FADS1: variants seen among roughly 807,000 people sequenced by gnomAD.
FADS1 encodes the protein acyl-CoA (8-3)-desaturase.
In FADS1, 17 loss-of-function variants were observed where a neutral mutation model predicts 61.6. That is an observed-to-expected ratio of 0.28 (90% CI 0.19 to 0.41). FADS1 has a LOEUF of 0.41. Ranked by LOEUF, FADS1 falls within the 10% of genes least tolerant of loss-of-function variation. The probability of loss-of-function intolerance (pLI) is 1.00; values close to 1 mark genes in which losing one functional copy is unlikely to be tolerated. For synonymous variants in FADS1, 238 were observed against 258.7 expected, an observed-to-expected ratio of 0.92 and a Z score of 0.77; for missense variants, 387 against 650.9, an observed-to-expected ratio of 0.59 and a Z score of 4.41.
At chr11:61,804,177 C>A (rs560610013) in intron 7 of FADS1, 1 of 223,694 alleles carries the variant, frequency 4.5e-6, no homozygotes, top group South Asian at 8.3e-5. Context: ...GGTGGTCAAA[C>A]TTACCCCTCA....
intron 1 of FADS1, chr11:61,814,953 G>A (rs1443369316): frequency 6.5e-6 from 1 of 153,208 alleles, no homozygotes; most frequent in Non-Finnish European, 1.5e-5. Flanking sequence ...CGAAGAGGAA[G>A]ACTTCCCTAC....
At position 61,816,184 on chromosome 11, in the gene FADS1, C is replaced by T; in HGVS notation, c.375+371G>A. 5 of 1,411,048 alleles carry T rather than the reference C, an allele frequency of 3.5e-6. No homozygotes were observed. Among genetic ancestry groups the T allele is most frequent in the Non-Finnish European group, 4.8e-6 (5 of 1,038,160 alleles). The allele number at this position is 1,411,048 out of a possible 1,614,324, so 87.4% of individuals were successfully genotyped here. ...TCCCTCCCCTGGCCACTGACCCCCT[C>T]CCTCCCCAGGCGGCCTGCATCCTTG... On this transcript the variant is annotated intron_variant, in intron 1 of 11. Coordinates refer to ENST00000350997, the MANE Select transcript of FADS1 (RefSeq NM_013402.7). The surrounding 1 kb of genome is among the most constrained non-coding windows in gnomAD (Gnocchi z 7.0).
chr11:61,803,242 C>A lies in FADS1; in HGVS notation c.1248+121G>T, dbSNP rs2066869766. The stretch of plus-strand genomic sequence containing the variant: ...TCACTCCCTTCACATGGTTGCAGAA[C>A]AAGAGCCTCAGGCTAATGAGAAAAT... On this transcript the variant is annotated intron_variant, in intron 9 of 11. Transcript: ENST00000350997. This position sits in a 1 kb window ranked among gnomAD's most constrained non-coding sequence, Gnocchi z 4.3. 8.1e-7 allele frequency: 1 copy of A among 1,239,774 alleles called. No homozygotes were observed. The highest frequency in any genetic ancestry group is 1.5e-5 in the African/African-American group (1 of 67,704). The allele number at this position is 1,239,774 out of a possible 1,614,324, so 76.8% of individuals were successfully genotyped here.
chr11:61,816,944 G>C lies in FADS1; in HGVS notation c.-15C>G. 7.3e-7 allele frequency: 1 copy of C among 1,377,090 alleles called. No homozygotes were observed. Among genetic ancestry groups the C allele is most frequent in the Non-Finnish European group, 9.3e-7 (1 of 1,074,096 alleles). The allele number at this position is 1,377,090 out of a possible 1,614,324, so 85.3% of individuals were successfully genotyped here. The stretch of plus-strand genomic sequence containing the variant: ...CGCGTTCCCATTGGCCGAGCCTCGT[G>C]GCGCGGGGAGCGAGATCCCGTCCCC... On this transcript the variant is annotated 5_prime_UTR_variant, in exon 1 of 12. Transcript: ENST00000350997. This position sits in a 1 kb window ranked among gnomAD's most constrained non-coding sequence, Gnocchi z 7.0.
In FADS1 at chr11:61,800,689, A is replaced by G. The variant is rs527659403; in HGVS notation, c.*1722T>C. ...AGTGGAGGCTCTGTCTTTTCCTCCTAGTTTGAGGTTCTCTTCTCCCAGTGT... is the reference window on the plus strand; with the variant it reads ...AGTGGAGGCTCTGTCTTTTCCTCCTGGTTTGAGGTTCTCTTCTCCCAGTGT... On this transcript the variant is annotated 3_prime_UTR_variant, in exon 12 of 12. Coordinates refer to ENST00000350997, the MANE Select transcript of FADS1 (RefSeq NM_013402.7). 1.3e-5 allele frequency: 2 copies of G among 152,406 alleles called. No homozygotes were observed. Among genetic ancestry groups the G allele is most frequent in the Admixed American group, 6.5e-5 (1 of 15,284 alleles). 9.4% of individuals were successfully genotyped at this position (152,406 alleles called of 1,614,324 possible). A position where few individuals can be genotyped will look rare whatever the true frequency, so the allele number is the denominator to read the frequency against.
chr11:61,810,959 C>T lies in FADS1; in HGVS notation c.786+15G>A, dbSNP rs371093728. 6.8e-6 allele frequency: 11 copies of T among 1,613,940 alleles called. No individual in the cohort carries two copies. Among genetic ancestry groups the T allele is most frequent in the East Asian group, 6.7e-5 (3 of 44,884 alleles). ...TTGCCTGGAGTTTTAGAGAGCTCCTCCCCATCCCACTGACCTTCAGGTGGC... is the reference window on the plus strand; with the variant it reads ...TTGCCTGGAGTTTTAGAGAGCTCCTTCCCATCCCACTGACCTTCAGGTGGC... On this transcript the variant is annotated intron_variant, in intron 4 of 11. Transcript: ENST00000350997.
At chr11:61,805,868 T>G (rs919861494) in intron 6 of FADS1, 9 of 152,182 alleles carry the variant, frequency 5.9e-5, no homozygotes, top group Admixed American at 5.9e-4. Flanking sequence ...CCTTAGTAGC[T>G]GGGACAGACT....
chr11:61,802,159 GA>G lies in FADS1; in HGVS notation c.*251del. On this transcript the variant is annotated 3_prime_UTR_variant, in exon 12 of 12. Transcript: ENST00000350997. This position sits in a 1 kb window ranked among gnomAD's most constrained non-coding sequence, Gnocchi z 4.2. ...CCAACTACCTGCATGTGCCAAACTA[GA>G]AAAAGGAAATAATTTACACCCCTGC... 1 of 503,110 alleles carries G rather than the reference GA, an allele frequency of 2.0e-6. No individual in the cohort carries two copies. Among genetic ancestry groups the G allele is most frequent in the Non-Finnish European group, 3.6e-6 (1 of 277,838 alleles). 31.2% of individuals were successfully genotyped at this position (503,110 alleles called of 1,614,324 possible). A position where few individuals can be genotyped will look rare whatever the true frequency, so the allele number is the denominator to read the frequency against.
At position 61,803,204 on chromosome 11, in the gene FADS1, G is replaced by GA; in HGVS notation, c.1249-94dup. 8 of 1,342,026 alleles carry GA rather than the reference G, an allele frequency of 6.0e-6. No individual in the cohort carries two copies. The South Asian group carries it at 8.4e-5, about 14-fold the overall frequency. 83.1% of individuals were successfully genotyped at this position (1,342,026 alleles called of 1,614,324 possible). A position where few individuals can be genotyped will look rare whatever the true frequency, so the allele number is the denominator to read the frequency against. On this transcript the variant is annotated intron_variant, in intron 9 of 11. Coordinates refer to ENST00000350997, the MANE Select transcript of FADS1 (RefSeq NM_013402.7). This position sits in a 1 kb window ranked among gnomAD's most constrained non-coding sequence, Gnocchi z 4.3. ...GTAAAGCTGGCTGAGGAAGGGACAT[G>GA]AGACTGTCTTGGTCACTCCCTTCAC...
At chr11:61,809,764 G>A (rs1772392814) in intron 5 of FADS1, among the ~76,000 whole-genome samples, 1 of 152,118 alleles carries the variant, frequency 6.6e-6, no homozygotes, top group South Asian at 2.1e-4. Context: ...GACCATAATG[G>A]TATCGGACAT....
chr11:61,802,502 G>A lies in FADS1; in HGVS notation c.1455-40C>T. On this transcript the variant is annotated intron_variant, in intron 11 of 11. Coordinates refer to ENST00000350997, the MANE Select transcript of FADS1 (RefSeq NM_013402.7). This position sits in a 1 kb window ranked among gnomAD's most constrained non-coding sequence, Gnocchi z 4.2. ...TGGGGGCAGACAGTGAGGGAGACAA[G>A]CAGAGTTGAACCCACCGGAGATGGA... is the stretch of plus-strand genomic sequence containing the variant. 6.5e-7 allele frequency: 1 copy of A among 1,542,360 alleles called. No homozygotes were observed. The highest frequency in any genetic ancestry group is 2.4e-5 in the East Asian group (1 of 41,344).
rs2066991033 is a variant in FADS1 at position 61,816,907 on chromosome 11, G to A, written c.23C>T (p.Pro8Leu). ...TTCAGCACCGCAGGGCAGACCGGCGGGCCTCGCAGCGCGCGTTCCCATTGG... is the reference window on the plus strand; with the variant it reads ...TTCAGCACCGCAGGGCAGACCGGCGAGCCTCGCAGCGCGCGTTCCCATTGG... The part of the protein sequence containing the change: MGTRAAR[P>L]AGLPCGAENP... The change falls in exon 1 of 12, where the codon CCC (proline) becomes CTC (leucine). Residue 8 changes from proline (P) to leucine (L), a missense_variant. Pro to Leu is a moderately conservative substitution (Grantham distance 98). Transcript: ENST00000350997. This position sits in a 1 kb window ranked among gnomAD's most constrained non-coding sequence, Gnocchi z 7.0. The A allele has an allele frequency of 7.1e-7, 1 of 1,409,684 alleles. No homozygotes were observed. 87.3% of individuals were successfully genotyped at this position (1,409,684 alleles called of 1,614,324 possible).
intron 1 of FADS1, chr11:61,814,040 A>G (rs1345388093): frequency 6.6e-6 from 1 of 151,806 alleles, no homozygotes; most frequent in Non-Finnish European, 1.5e-5. Context: ...CTGCTCGGGT[A>G]CCCTTCCACG....
chr11:61,816,320 T>A lies in FADS1; in HGVS notation c.375+235A>T. 6.3e-7 allele frequency: 1 copy of A among 1,598,392 alleles called. No individual in the cohort carries two copies. Among genetic ancestry groups the A allele is most frequent in the Non-Finnish European group, 8.5e-7 (1 of 1,179,792 alleles). ...AGGGAGGCGGGACCCTTTGTTTGTG[T>A]GTGCGTGTTGTTGGCCTCCATCCCC... is the stretch of plus-strand genomic sequence containing the variant. On this transcript the variant is annotated intron_variant, in intron 1 of 11. Transcript: ENST00000350997. The surrounding 1 kb of genome is among the most constrained non-coding windows in gnomAD (Gnocchi z 7.0).
rs2066850065 is a variant in FADS1, at chr11:61,800,616, C to T, written c.*1795G>A. 1 of 152,450 alleles carries T rather than the reference C, an allele frequency of 6.6e-6. No homozygotes were observed. The highest frequency in any genetic ancestry group is 2.4e-5 in the African/African-American group (1 of 41,434). The allele number at this position is 152,450 out of a possible 1,614,324, so 9.4% of individuals were successfully genotyped here. A position where few individuals can be genotyped will look rare whatever the true frequency, so the allele number is the denominator to read the frequency against. On this transcript the variant is annotated 3_prime_UTR_variant, in exon 12 of 12. Transcript: ENST00000350997. ...TGCATCTGACCCTATCCCAACATGC[C>T]TTAGGACGCTCATCTCCTTGACTGT...
Position 61,816,434 on chromosome 11 carries a change from C to A in FADS1, c.375+121G>T. On this transcript the variant is annotated intron_variant, in intron 1 of 11. Transcript: ENST00000350997. The surrounding 1 kb of genome is among the most constrained non-coding windows in gnomAD (Gnocchi z 7.0). ...CCAATCACCGGGCAACAGGTATGATCAGGCGCCTCCGGGCTTTCCTCCGAA... is the reference window on the plus strand; with the variant it reads ...CCAATCACCGGGCAACAGGTATGATAAGGCGCCTCCGGGCTTTCCTCCGAA... 1 of 1,599,100 alleles carries A rather than the reference C, an allele frequency of 6.3e-7. No homozygotes were observed. Among genetic ancestry groups the A allele is most frequent in the South Asian group, 1.1e-5 (1 of 91,080 alleles).
At position 61,799,822 on chromosome 11, in the gene FADS1, T is replaced by C. The variant is rs1173339641; in HGVS notation, c.*2589A>G. On this transcript the variant is annotated 3_prime_UTR_variant, in exon 12 of 12. Transcript: ENST00000350997. Reference sequence around the variant, plus strand: ...AGTTGGAATTCATGCTGCCATGATCTACTTGACCAGAGGCAGCTTTTCCTC... The same window carrying C: ...AGTTGGAATTCATGCTGCCATGATCCACTTGACCAGAGGCAGCTTTTCCTC... 6.5e-6 allele frequency: 1 copy of C among 152,820 alleles called. No homozygotes were observed. Among genetic ancestry groups the C allele is most frequent in the East Asian group, 1.9e-4 (1 of 5,338 alleles). The allele number at this position is 152,820 out of a possible 1,614,324, so 9.5% of individuals were successfully genotyped here.
In FADS1 at chr11:61,815,988, C is replaced by CG; in HGVS notation, c.375+566dup. ...CCTTCCGCGTCCTCCAGTCTTCACA[C>CG]GACGCAGGGGTCCCCAAGGCAGCGG... On this transcript the variant is annotated intron_variant, in intron 1 of 11. Transcript: ENST00000350997. This position sits in a 1 kb window ranked among gnomAD's most constrained non-coding sequence, Gnocchi z 6.4. The CG allele has an allele frequency of 2.1e-6, 1 of 468,860 alleles. No individual in the cohort carries two copies. Among genetic ancestry groups the CG allele is most frequent in the East Asian group, 4.0e-5 (1 of 25,012 alleles). 29.0% of individuals were successfully genotyped at this position (468,860 alleles called of 1,614,324 possible). A position where few individuals can be genotyped will look rare whatever the true frequency, so the allele number is the denominator to read the frequency against.
In FADS1 at chr11:61,816,457, G is replaced by A. The variant is rs761958385; in HGVS notation, c.375+98C>T. The A allele has an allele frequency of 3.7e-6, 6 of 1,600,056 alleles. No individual in the cohort carries two copies. In the East Asian group the frequency reaches 1.1e-4, roughly 30 times the overall value. On this transcript the variant is annotated intron_variant, in intron 1 of 11. Transcript: ENST00000350997. The surrounding 1 kb of genome is among the most constrained non-coding windows in gnomAD (Gnocchi z 7.0). ...ATCAGGCGCCTCCGGGCTTTCCTCC[G>A]AATTAGTCGGTGTTTGGCTCGGAGT...
Sources: gnomAD v4.1 joint callset for allele counts (sites outside exome capture counted in the v4.1 genomes callset) on GRCh38, gnomAD v4.1.1 for gene constraint, Gnocchi (gnomAD v3.1) non-coding constraint, MANE v1.5 for transcripts, NCBI Gene and HGNC (gene_info 2026-07-23, HGNC 2026-07-21) for gene names.